Variants in ARHGEF7 observed in about 807,000 individuals in gnomAD.
ARHGEF7 encodes the protein Rho guanine nucleotide exchange factor 7, also known as PAK-interacting exchange factor beta.
In ARHGEF7, 33 loss-of-function variants were observed where a neutral mutation model predicts 109.8. That is an observed-to-expected ratio of 0.30 (90% CI 0.23 to 0.40). The LOEUF is 0.40. Ranked by LOEUF, ARHGEF7 falls within the 10% of genes least tolerant of loss-of-function variation. ARHGEF7 has a pLI of 1.00. For synonymous variants in ARHGEF7, 458 were observed against 424.6 expected (o/e 1.08, Z -0.97); for missense variants, 938 against 1,098.5 (o/e 0.85, Z 2.07).
chr13:111,140,860 A>G (rs763122077), intron 1 of ARHGEF7, among the ~76,000 whole-genome samples: 33 of 151,954 alleles, frequency 2.2e-4, no homozygotes, highest in Admixed American at 5.2e-4. Flanking sequence ...TAATGTTTTT[A>G]TAGAGACAGG....
At chr13:111,281,327 C>A (rs569004226) in intron 15 of ARHGEF7, among the ~76,000 whole-genome samples, 1 of 151,298 alleles carries the variant, frequency 6.6e-6, no homozygotes, top group African/African-American at 2.4e-5. Flanking sequence ...TCAAGTAATA[C>A]GGAAAAACTG....
At chr13:111,274,269 G>C (rs1171446267) in intron 10 of ARHGEF7, among the ~76,000 whole-genome samples, 1 of 152,202 alleles carries the variant, frequency 6.6e-6, no homozygotes, top group East Asian at 1.9e-4. Flanking sequence ...ATAGGTTATA[G>C]GGTAATACTG....
intron 2 of ARHGEF7, among the ~76,000 whole-genome samples, chr13:111,192,848 A>G (rs74711791): frequency 0.11 from 16,600 of 152,260 alleles, 1,230 homozygotes; most frequent in Middle Eastern, 0.16. Flanking sequence ...CTGTCTTGCG[A>G]GGGAAAGCCT....
chr13:111,283,503 G>A (rs1245751519), intron 16 of ARHGEF7, 140 bp downstream of exon 16: 27 of 1,370,064 alleles, frequency 2.0e-5, no homozygotes, highest in Non-Finnish European at 2.5e-5. Flanking sequence ...GTCTGCCTTG[G>A]TTCTCTGGTT....
Position 111,148,115 on chromosome 13 carries a change from G to A in ARHGEF7, c.166-5790G>A, listed in dbSNP as rs2075706135. 2.6e-5 allele frequency among the ~76,000 whole-genome samples: 4 copies of A among 152,324 alleles called. 1 individual carries two copies. The South Asian group carries it at 8.3e-4, about 32-fold the overall frequency. Reference sequence around the variant, plus strand: ...ACATCTCCGTGGCCACACTTGCCATGCTGTGTGCAAGCTTCTGTGCGTCTC... The same window carrying A: ...ACATCTCCGTGGCCACACTTGCCATACTGTGTGCAAGCTTCTGTGCGTCTC... On this transcript the variant is annotated intron_variant, in intron 1 of 21. Transcript: ENST00000646102.
intron 1 of ARHGEF7, among the ~76,000 whole-genome samples, chr13:111,122,046 G>A (rs190654639): frequency 1.6e-4 from 25 of 152,314 alleles, no homozygotes; most frequent in African/African-American, 4.8e-4. Flanking sequence ...CCAGGAACAC[G>A]GGTTAATTCT....
chr13:111,289,043 C>G (rs1481403668), intron 18 of ARHGEF7, among the ~76,000 whole-genome samples: 1 of 146,940 alleles, frequency 6.8e-6, no homozygotes, highest in African/African-American at 2.5e-5. Context: ...TTTTTTTTTT[C>G]TTTTTGGAGA....
intron 2 of ARHGEF7, among the ~76,000 whole-genome samples, chr13:111,158,654 AAC>A (rs2076526053): frequency 6.6e-6 from 1 of 152,242 alleles, no homozygotes; most frequent in African/African-American, 2.4e-5. Flanking sequence ...CTCTCAGATC[AAC>A]AGAGCATGAA....
At chr13:111,222,093 C>G (rs56047737) in intron 5 of ARHGEF7, among the ~76,000 whole-genome samples, 1 of 152,092 alleles carries the variant, frequency 6.6e-6, no homozygotes, top group African/African-American at 2.4e-5. Flanking sequence ...TCCCAGTTCA[C>G]GGACTCAAAT....
At chr13:111,128,135 C>T (rs901851835) in intron 1 of ARHGEF7, among the ~76,000 whole-genome samples, 1 of 152,144 alleles carries the variant, frequency 6.6e-6, no homozygotes, top group Non-Finnish European at 1.5e-5. Flanking sequence ...AAGCTTTCCC[C>T]CTAAGATCAG....
intron 8 of ARHGEF7, among the ~76,000 whole-genome samples, chr13:111,253,607 C>T (rs1027206430): frequency 3.9e-5 from 6 of 152,162 alleles, no homozygotes; most frequent in African/African-American, 7.2e-5. Flanking sequence ...GCCCTGTTCC[C>T]GTCTCAGATG....
chr13:111,252,745 G>A (rs1304751442), intron 8 of ARHGEF7, among the ~76,000 whole-genome samples: 1 of 152,236 alleles, frequency 6.6e-6, no homozygotes, highest in Admixed American at 6.5e-5. Context: ...TGAGGCAGGT[G>A]TTTAAAGATA....
chr13:111,240,586 A>G (rs1456685735), intron 6 of ARHGEF7, among the ~76,000 whole-genome samples: 1 of 152,204 alleles, frequency 6.6e-6, no homozygotes, highest in African/African-American at 2.4e-5. Flanking sequence ...ATTACAGGCC[A>G]CATTGTGTGG....
chr13:111,257,704 T>C lies in ARHGEF7; in HGVS notation c.951-9844T>C, dbSNP rs77650112. 3.0e-3 allele frequency among the ~76,000 whole-genome samples: 458 copies of C among 152,350 alleles called. 2 individuals carry two copies. The highest frequency in any genetic ancestry group is 0.011 in the African/African-American group (438 of 41,578). ...AGAGGGTAGGAAAGACAGTCTTAAA[T>C]TGCTGATACTACTGCTCCCTCAACT... On this transcript the variant is annotated intron_variant, in intron 8 of 21. Transcript: ENST00000646102.
chr13:111,164,758 C>T (rs1172055382), intron 2 of ARHGEF7, among the ~76,000 whole-genome samples: 3 of 152,174 alleles, frequency 2.0e-5, no homozygotes, highest in Non-Finnish European at 2.9e-5. Context: ...TTTCCTCACA[C>T]GATTGCATCC....
intron 1 of ARHGEF7, among the ~76,000 whole-genome samples, chr13:111,133,761 CTTTATATATA>C (rs1284127274): frequency 1.2e-4 from 9 of 73,354 alleles, no homozygotes; most frequent in Admixed American, 8.4e-4. Flanking sequence ...ATCTGCTTTT[CTTTATATATA>C]TATATATATA....
intron 8 of ARHGEF7, among the ~76,000 whole-genome samples, chr13:111,246,989 C>CT (rs1385698396): frequency 1.3e-5 from 2 of 152,128 alleles, no homozygotes; most frequent in African/African-American, 4.8e-5. Flanking sequence ...GGCTTCAGTC[C>CT]TTATGTTATC....
At chr13:111,289,098 C>T (rs1344764914) in intron 18 of ARHGEF7, among the ~76,000 whole-genome samples, 2 of 152,002 alleles carry the variant, frequency 1.3e-5, no homozygotes, top group African/African-American at 4.8e-5. Flanking sequence ...GTAGCGTGAT[C>T]TTGGCTCACT....
intron 8 of ARHGEF7, among the ~76,000 whole-genome samples, chr13:111,259,213 A>C (rs2153571924): frequency 6.6e-6 from 1 of 152,300 alleles, no homozygotes; most frequent in Non-Finnish European, 1.5e-5. Context: ...TGCCGATTGT[A>C]GTGCCCCAGG....
Sources: gnomAD v4.1 joint callset for allele counts (sites outside exome capture counted in the v4.1 genomes callset) on GRCh38, gnomAD v4.1.1 for gene constraint, MANE v1.5 for transcripts, NCBI Gene and HGNC (gene_info 2026-07-23, HGNC 2026-07-21) for gene names.